Variants in YEATS2 observed in about 807,000 individuals in gnomAD.
YEATS2 encodes YEATS domain containing 2, also known as YEATS domain-containing protein 2.
YEATS2 carries 77 observed loss-of-function variants against 163.2 expected under a neutral mutation model. That is an observed-to-expected ratio of 0.47 (90% CI 0.39 to 0.57). The LOEUF is 0.57. Among genes scored for constraint, YEATS2 ranks in the 20% least tolerant of loss-of-function variants. YEATS2 has a pLI of 0.00. For synonymous variants in YEATS2, 631 were observed against 645.1 expected, an observed-to-expected ratio of 0.98 and a Z score of 0.33; for missense variants, 1,549 against 1,729.8, an observed-to-expected ratio of 0.90 and a Z score of 1.85.
At chr3:183,793,273 C>A (rs879010573) in intron 21 of YEATS2, 2 of 1,165,490 alleles carry the variant, frequency 1.7e-6, no homozygotes, top group Admixed American at 6.9e-5. Context: ...TTACTTCATT[C>A]ATATGTAGCT....
chr3:183,738,883 A>G (rs965775881), intron 8 of YEATS2, among the ~76,000 whole-genome samples: 17 of 144,320 alleles, frequency 1.2e-4, no homozygotes, highest in Non-Finnish European at 1.6e-4. Flanking sequence ...GTGTCTTTAT[A>G]GGAGCATGAT....
At chr3:183,712,815 C>T (rs1715413151) in intron 1 of YEATS2, among the ~76,000 whole-genome samples, 1 of 150,958 alleles carries the variant, frequency 6.6e-6, no homozygotes, top group Non-Finnish European at 1.5e-5. Flanking sequence ...GGCCGGAGTG[C>T]AGTGGTGTGA....
intron 10 of YEATS2, among the ~76,000 whole-genome samples, chr3:183,753,346 A>AT (rs1720383764): frequency 1.3e-5 from 2 of 152,326 alleles, no homozygotes; most frequent in South Asian, 4.1e-4. Flanking sequence ...TAAATGTTTT[A>AT]TTTCTAAGCC....
At chr3:183,804,442 C>A (rs930537742) in intron 27 of YEATS2, among the ~76,000 whole-genome samples, 6 of 152,214 alleles carry the variant, frequency 3.9e-5, no homozygotes, top group Non-Finnish European at 8.8e-5. Context: ...AGTCCCTGCT[C>A]AGCATCATTT....
At position 183,786,315 on chromosome 3, in the gene YEATS2, T is replaced by C. The variant is rs544836936; in HGVS notation, c.2913+14T>C. 89 of 1,597,580 alleles carry C rather than the reference T, an allele frequency of 5.6e-5. No homozygotes were observed. In the South Asian group the frequency reaches 9.6e-4, roughly 17 times the overall value. On this transcript the variant is annotated intron_variant, in intron 20 of 30. Coordinates refer to ENST00000305135, the MANE Select transcript of YEATS2 (RefSeq NM_018023.5). ...CCTGCACAACAGGTGAGAAATAGCA[T>C]GTCAGTAGAGAATCCTAATGAGACA... is the stretch of plus-strand genomic sequence containing the variant.
rs570677608 is a variant in YEATS2, at chr3:183,812,366, A to C, written c.*1783A>C. 6 of 152,506 alleles carry C rather than the reference A, an allele frequency of 3.9e-5. No homozygotes were observed. In the South Asian group the frequency reaches 1.2e-3, roughly 32 times the overall value. The allele number at this position is 152,506 out of a possible 1,614,324, so 9.4% of individuals were successfully genotyped here. ...TCAAATAGTCTATACCTGAACTGCT[A>C]TAAGCAAGGTCGATAGGGAAGTGGA... On this transcript the variant is annotated 3_prime_UTR_variant, in exon 31 of 31. Transcript: ENST00000305135.
intron 10 of YEATS2, 119 bp downstream of exon 10, chr3:183,752,372 A>G (rs1720261344): frequency 8.0e-7 from 1 of 1,246,402 alleles, no homozygotes; most frequent in South Asian, 1.4e-5. Context: ...TGCTGCCTCT[A>G]CTACACAGTT....
intron 16 of YEATS2, 30 bp downstream of exon 16, chr3:183,772,593 C>T: frequency 6.2e-7 from 1 of 1,609,340 alleles, no homozygotes; most frequent in Non-Finnish European, 8.5e-7. Context: ...GGAGCCCTTT[C>T]AGCAGAAGCT....
rs768507161 is a variant in YEATS2 at position 183,786,341 on chromosome 3, T to C, written c.2913+40T>C. 4.5e-6 allele frequency: 7 copies of C among 1,566,882 alleles called. No homozygotes were observed. In the South Asian group the frequency reaches 8.0e-5, roughly 18 times the overall value. ...GTCAGTAGAGAATCCTAATGAGACA[T>C]GAAAGTGGTGTAGATACAAGGAAGG... On this transcript the variant is annotated intron_variant, in intron 20 of 30. Transcript: ENST00000305135.
intron 9 of YEATS2, among the ~76,000 whole-genome samples, 156 bp downstream of exon 9, chr3:183,747,872 C>T (rs1445501900): frequency 2.0e-5 from 3 of 151,204 alleles, no homozygotes; most frequent in African/African-American, 7.3e-5. Flanking sequence ...CTCTTCCTCC[C>T]AGGATCAAGT....
At chr3:183,772,777 ACC>A (rs1343192942) in intron 16 of YEATS2, among the ~76,000 whole-genome samples, 145 of 150,176 alleles carry the variant, frequency 9.7e-4, no homozygotes, top group African/African-American at 2.7e-3. Context: ...ACACACACAC[ACC>A]CACATACACA....
chr3:183,752,949 C>G (rs1429689181), intron 10 of YEATS2, among the ~76,000 whole-genome samples: 3 of 151,608 alleles, frequency 2.0e-5, no homozygotes, highest in Non-Finnish European at 4.4e-5. Context: ...AGGCGTCCAC[C>G]ACCGCTCTCG....
chr3:183,717,174 C>T (rs902791812), intron 2 of YEATS2, among the ~76,000 whole-genome samples: 3 of 151,948 alleles, frequency 2.0e-5, no homozygotes, highest in Admixed American at 6.6e-5. Context: ...ATTACGGGTG[C>T]GAGCCACCAT....
chr3:183,733,535 G>A (rs1294933545), intron 7 of YEATS2, among the ~76,000 whole-genome samples: 2 of 152,162 alleles, frequency 1.3e-5, no homozygotes, highest in Non-Finnish European at 2.9e-5. Context: ...GACTATTAAC[G>A]TATGTCCTAG....
chr3:183,766,936 A>G (rs1721963950), intron 15 of YEATS2, among the ~76,000 whole-genome samples: 1 of 151,138 alleles, frequency 6.6e-6, no homozygotes, highest in African/African-American at 2.4e-5. Flanking sequence ...CAGCCTCCCA[A>G]AGTGTTGGGG....
chr3:183,785,721 G>A (rs1724003560), intron 19 of YEATS2, among the ~76,000 whole-genome samples: 1 of 152,066 alleles, frequency 6.6e-6, no homozygotes, highest in African/African-American at 2.4e-5. Context: ...AAAATGCTAA[G>A]CCTATATCTA....
At chr3:183,731,269 A>G (rs549506392) in intron 7 of YEATS2, among the ~76,000 whole-genome samples, 2 of 148,954 alleles carry the variant, frequency 1.3e-5, no homozygotes, top group East Asian at 4.0e-4. Flanking sequence ...ACTGCACTCC[A>G]GCCTGGAGGC....
At chr3:183,729,513 A>C (rs1717488658) in intron 7 of YEATS2, among the ~76,000 whole-genome samples, 1 of 152,156 alleles carries the variant, frequency 6.6e-6, no homozygotes, top group Admixed American at 6.5e-5. Flanking sequence ...TTTAATGTTG[A>C]AAGTTTCCCA....
intron 8 of YEATS2, among the ~76,000 whole-genome samples, chr3:183,742,374 G>C (rs1270929313): frequency 1.3e-5 from 2 of 152,130 alleles, no homozygotes; most frequent in African/African-American, 2.4e-5. Flanking sequence ...TTCATGAGAG[G>C]AGGTCAGAGT....
Sources: allele counts gnomAD v4.1 joint callset (sites outside exome capture counted in the v4.1 genomes callset), GRCh38; gene constraint gnomAD v4.1.1; transcripts MANE v1.5; gene names NCBI Gene and HGNC (gene_info 2026-07-23, HGNC 2026-07-21).